Variants in CFTR observed in about 807,000 individuals in gnomAD.
CFTR encodes the protein cystic fibrosis transmembrane conductance regulator.
Under a neutral mutation model 171.6 loss-of-function variants are expected in CFTR, and 181 were observed. The ratio of observed to expected loss-of-function variants is 1.05; its 90% CI spans 0.93 to 1.19. The LOEUF is 1.19. Among genes scored for constraint, CFTR ranks in the 50% most tolerant of loss-of-function variants. CFTR has a pLI of 0.00. For missense variants in CFTR, 1,968 were observed against 1,734.7 expected (o/e 1.13, Z -2.39); for synonymous variants, 583 against 608.0 (o/e 0.96, Z 0.60).
intron 18 of CFTR, among the ~76,000 whole-genome samples, chr7:117,609,865 C>T (rs1399321112): frequency 6.6e-6 from 1 of 151,830 alleles, no homozygotes; most frequent in Admixed American, 6.6e-5. Flanking sequence ...CAAAGAACAC[C>T]ATGTTTTCAA....
At chr7:117,574,203 TAAATC>T (rs1285139726) in intron 11 of CFTR, among the ~76,000 whole-genome samples, 1 of 152,076 alleles carries the variant, frequency 6.6e-6, no homozygotes, top group East Asian at 1.9e-4. Context: ...TGTTTTATGT[TAAATC>T]AAATAGAGAA....
intron 1 of CFTR, chr7:117,487,678 A>G (rs1185061497): frequency 2.0e-5 from 3 of 152,132 alleles, no homozygotes; most frequent in Non-Finnish European, 4.4e-5. Context: ...TCTCTTTCTT[A>G]GCATGGACTA....
chr7:117,650,595 G>C (rs549572483), intron 23 of CFTR, among the ~76,000 whole-genome samples: 1 of 152,076 alleles, frequency 6.6e-6, no homozygotes, highest in Admixed American at 6.6e-5. Context: ...CCATCCTCCC[G>C]CAGTCCTCCA....
intron 11 of CFTR, among the ~76,000 whole-genome samples, chr7:117,566,983 T>C (rs1791612484): frequency 6.6e-6 from 1 of 152,142 alleles, no homozygotes; most frequent in South Asian, 2.1e-4. Context: ...TTTGGGCCAG[T>C]CAATGGAACA....
intron 23 of CFTR, among the ~76,000 whole-genome samples, chr7:117,651,045 T>C (rs955596514): frequency 6.6e-6 from 1 of 152,140 alleles, no homozygotes; most frequent in Non-Finnish European, 1.5e-5. Context: ...TTCATGTACG[T>C]AATAGGATTT....
chr7:117,549,087 G>A (rs1047657714), intron 10 of CFTR, among the ~76,000 whole-genome samples: 6 of 152,126 alleles, frequency 3.9e-5, no homozygotes, highest in Non-Finnish European at 5.9e-5. Flanking sequence ...TGCACATGGC[G>A]AGCATTCAAT....
intron 14 of CFTR, among the ~76,000 whole-genome samples, chr7:117,593,157 T>TA (rs781674590): frequency 6.6e-6 from 1 of 152,216 alleles, no homozygotes; most frequent in Non-Finnish European, 1.5e-5. Flanking sequence ...GGCTTTTTTT[T>TA]ATCTTGTGAG....
intron 1 of CFTR, among the ~76,000 whole-genome samples, chr7:117,490,449 A>G (rs373679190): frequency 6.6e-6 from 1 of 151,784 alleles, no homozygotes; most frequent in Non-Finnish European, 1.5e-5. Flanking sequence ...AGGAGAGTCA[A>G]TGTTCCAGTT....
rs932462928 is a variant in CFTR at position 117,538,421 on chromosome 7, G to A, written c.870-1679G>A. Among the ~76,000 whole-genome samples the A allele has an allele frequency of 3.3e-5, 5 of 151,932 alleles. 1 individual carries two copies. The highest frequency in any genetic ancestry group is 2.9e-5 in the Non-Finnish European group (2 of 67,920). ...TATATTATGGAGAATCTACTTTCTG[G>A]GTGATTCTTACAAATGTTCTTGGAT... On this transcript the variant is annotated intron_variant, in intron 7 of 26. Transcript: ENST00000003084.
In CFTR at chr7:117,530,985, G is replaced by A. The variant is rs1800077; in HGVS notation, c.360G>A (p.Ala120=). 68 of 1,613,684 alleles carry A rather than the reference G, an allele frequency of 4.2e-5. No homozygotes were observed. In the African/African-American group the frequency reaches 6.8e-4, roughly 16 times the overall value. Residue 120 remains alanine (A), a synonymous_variant, in exon 4 of 27, where the codon GCG becomes GCA. Transcript: ENST00000003084. ...DPDNKEERSI[A]IYLGIGLCLL... Reference sequence around the variant, plus strand: ...ATAACAAGGAGGAACGCTCTATCGCGATTTATCTAGGCATAGGCTTATGCC... The same window carrying A: ...ATAACAAGGAGGAACGCTCTATCGCAATTTATCTAGGCATAGGCTTATGCC...
intron 9 of CFTR, among the ~76,000 whole-genome samples, chr7:117,543,994 T>A (rs1799098458): frequency 6.6e-6 from 1 of 152,234 alleles, no homozygotes; most frequent in Non-Finnish European, 1.5e-5. Flanking sequence ...GCTTGGAATT[T>A]CCTAATCTTC....
intron 2 of CFTR, 116 bp from the exon 3 acceptor site, chr7:117,508,918 T>C: frequency 1.3e-6 from 1 of 752,818 alleles, no homozygotes; most frequent in Non-Finnish European, 2.4e-6. Flanking sequence ...GTCTCTATAA[T>C]ACTTGGGTTA....
chr7:117,584,920 T>C (rs1791906491), intron 11 of CFTR, among the ~76,000 whole-genome samples: 1 of 52,142 alleles, frequency 1.9e-5, no homozygotes. Flanking sequence ...TATTTTAGTT[T>C]TTTTTTTTTG....
intron 11 of CFTR, among the ~76,000 whole-genome samples, chr7:117,576,436 A>T (rs2115987790): frequency 6.6e-6 from 1 of 152,266 alleles, no homozygotes; most frequent in East Asian, 1.9e-4. Flanking sequence ...AGATGTGCAT[A>T]TGTTACATGC....
intron 22 of CFTR, among the ~76,000 whole-genome samples, chr7:117,632,238 C>T (rs774232523): frequency 6.6e-6 from 1 of 152,104 alleles, no homozygotes; most frequent in Non-Finnish European, 1.5e-5. Context: ...CTGATGCATT[C>T]TTGCCCAAGC....
chr7:117,570,578 A>C (rs1004591275), intron 11 of CFTR, among the ~76,000 whole-genome samples: 2 of 152,218 alleles, frequency 1.3e-5, no homozygotes, highest in Non-Finnish European at 2.9e-5. Flanking sequence ...AATGTTTAAG[A>C]GACTTGTTTA....
chr7:117,515,587 A>T (rs1798584802), intron 3 of CFTR, among the ~76,000 whole-genome samples: 2 of 152,142 alleles, frequency 1.3e-5, no homozygotes, highest in African/African-American at 2.4e-5. Flanking sequence ...TGGTAGCGTG[A>T]TGCCTCCAGC....
intron 24 of CFTR, among the ~76,000 whole-genome samples, chr7:117,662,758 A>G (rs1285887083): frequency 2.6e-5 from 4 of 152,194 alleles, no homozygotes; most frequent in African/African-American, 7.2e-5. Flanking sequence ...TGGGATCACT[A>G]TAATAGAGTT....
chr7:117,650,895 A>C (rs1457391723), intron 23 of CFTR, among the ~76,000 whole-genome samples: 2 of 152,166 alleles, frequency 1.3e-5, no homozygotes, highest in African/African-American at 4.8e-5. Flanking sequence ...AATGGTCCAC[A>C]AAGGATTTGA....
Sources: allele counts gnomAD v4.1 joint callset (sites outside exome capture counted in the v4.1 genomes callset), GRCh38; gene constraint gnomAD v4.1.1; transcripts MANE v1.5; gene names NCBI Gene and HGNC (gene_info 2026-07-23, HGNC 2026-07-21).